Variants in ADGRL3 observed in about 807,000 individuals in gnomAD.
The protein encoded by ADGRL3 is adhesion G protein-coupled receptor L3.
Under a neutral mutation model 153.5 loss-of-function variants are expected in ADGRL3, and 62 were observed. That is an observed-to-expected ratio of 0.40 (90% confidence interval 0.33 to 0.50). The LOEUF (loss-of-function observed/expected upper bound fraction) is 0.50. ADGRL3 is among the 20% of genes least tolerant of loss of function. ADGRL3 has a pLI of 0.47. For synonymous variants in ADGRL3, 710 were observed against 672.5 expected (o/e 1.06, Z -0.86); for missense variants, 1,641 against 1,859.4 (o/e 0.88, Z 2.16).
intron 9 of ADGRL3, among the ~76,000 whole-genome samples, chr4:61,854,286 A>G (rs2098239471): frequency 6.6e-6 from 1 of 152,198 alleles, no homozygotes; most frequent in Non-Finnish European, 1.5e-5. Flanking sequence ...GGATTCTCTA[A>G]TAAAAACACC....
At position 61,430,647 on chromosome 4, in the gene ADGRL3, A is replaced by G. The variant is rs546269280; in HGVS notation, c.-174+47458A>G. On this transcript the variant is annotated intron_variant, in intron 2 of 26. Coordinates refer to ENST00000683033, the MANE Select transcript of ADGRL3 (RefSeq NM_001387552.1). ...AACCCACAATCAATAAAACTGAGAAACAAATATACATAAATAAAACTTGAC... is the reference window on the plus strand; with the variant it reads ...AACCCACAATCAATAAAACTGAGAAGCAAATATACATAAATAAAACTTGAC... Among the ~76,000 whole-genome samples, 3 of 152,280 alleles carry G rather than the reference A, an allele frequency of 2.0e-5. No individual in the cohort carries two copies. The South Asian group carries it at 6.2e-4, about 32-fold the overall frequency.
chr4:61,586,099 GATA>G (rs2098945580), intron 4 of ADGRL3, among the ~76,000 whole-genome samples: 2 of 151,964 alleles, frequency 1.3e-5, no homozygotes, highest in African/African-American at 2.4e-5. Context: ...TAAAGGAATT[GATA>G]ATATTTAGTT....
chr4:61,677,763 A>T (rs2095241915), intron 6 of ADGRL3, among the ~76,000 whole-genome samples: 1 of 152,054 alleles, frequency 6.6e-6, no homozygotes, highest in South Asian at 2.1e-4. Context: ...TTGATGTTTC[A>T]TAAGAAGCAA....
At chr4:61,775,592 C>G (rs2097138925) in intron 8 of ADGRL3, 1 of 1,028,314 alleles carries the variant, frequency 9.7e-7, no homozygotes, top group Non-Finnish European at 1.5e-6. Flanking sequence ...ACCCTTTCCC[C>G]TAGTTTCTTG....
intron 9 of ADGRL3, among the ~76,000 whole-genome samples, chr4:61,833,481 GTGC>G (rs1014438834): frequency 2.6e-5 from 4 of 152,130 alleles, no homozygotes; most frequent in African/African-American, 9.7e-5. Flanking sequence ...GGAGCCAGGA[GTGC>G]TGATTGGTCA....
At chr4:61,451,116 C>T (rs764086230) in intron 2 of ADGRL3, among the ~76,000 whole-genome samples, 1 of 151,948 alleles carries the variant, frequency 6.6e-6, no homozygotes, top group African/African-American at 2.4e-5. Flanking sequence ...ATAGTTAGAG[C>T]ATTAAAATAA....
intron 17 of ADGRL3, among the ~76,000 whole-genome samples, chr4:61,955,778 C>T (rs2150399172): frequency 6.6e-6 from 1 of 152,222 alleles, no homozygotes; most frequent in South Asian, 2.1e-4. Context: ...TGAGTGAGAA[C>T]ATGCAGTGTT....
chr4:61,835,337 G>GAAAAAAAA (rs34440166), intron 9 of ADGRL3, among the ~76,000 whole-genome samples: 64 of 33,014 alleles, frequency 1.9e-3, no homozygotes, highest in Non-Finnish European at 2.0e-3. Context: ...TGGCAAGACT[G>GAAAAAAAA]AAAAAAAAAA....
intron 24 of ADGRL3, among the ~76,000 whole-genome samples, chr4:62,039,743 T>G (rs1380849790): frequency 6.6e-6 from 1 of 152,116 alleles, no homozygotes; most frequent in Non-Finnish European, 1.5e-5. Flanking sequence ...TTCAGACTCA[T>G]AATCCCTTGC....
intron 6 of ADGRL3, among the ~76,000 whole-genome samples, chr4:61,715,775 T>A (rs1485984335): frequency 6.6e-6 from 1 of 152,010 alleles, no homozygotes; most frequent in Non-Finnish European, 1.5e-5. Context: ...AGTTGTCACA[T>A]AGAACTTGGA....
At position 61,587,532 on chromosome 4, in the gene ADGRL3, G is replaced by A. The variant is rs976226739; in HGVS notation, c.473+92G>A. The A allele has an allele frequency of 9.3e-6, 9 of 966,696 alleles. No homozygotes were observed. In the African/African-American group the frequency reaches 1.5e-4, roughly 16 times the overall value. The allele number at this position is 966,696 out of a possible 1,614,324, so 59.9% of individuals were successfully genotyped here. On this transcript the variant is annotated intron_variant, in intron 5 of 26. Coordinates refer to ENST00000683033, the MANE Select transcript of ADGRL3 (RefSeq NM_001387552.1). ...TGTTAAGCATAAGAACATAAACAGT[G>A]TTATGTATTTTAGGACACTTCAAAA...
At chr4:61,809,917 G>A (rs2097590787) in intron 8 of ADGRL3, among the ~76,000 whole-genome samples, 1 of 152,046 alleles carries the variant, frequency 6.6e-6, no homozygotes, top group African/African-American at 2.4e-5. Context: ...CCCTTATGAG[G>A]TCAGTGTTGT....
chr4:61,266,751 T>A (rs2092870842), intron 1 of ADGRL3, among the ~76,000 whole-genome samples: 1 of 151,796 alleles, frequency 6.6e-6, no homozygotes, highest in Non-Finnish European at 1.5e-5. Context: ...CAAATATATT[T>A]TATGCTTAAT....
At chr4:61,608,220 A>G (rs1183059543) in intron 5 of ADGRL3, among the ~76,000 whole-genome samples, 3 of 152,060 alleles carry the variant, frequency 2.0e-5, no homozygotes, top group Non-Finnish European at 2.9e-5. Flanking sequence ...GACTTTTCAT[A>G]CTCCCAATCT....
At chr4:61,981,816 A>C (rs1407660844) in intron 18 of ADGRL3, among the ~76,000 whole-genome samples, 2 of 152,184 alleles carry the variant, frequency 1.3e-5, no homozygotes, top group African/African-American at 4.8e-5. Flanking sequence ...ATATGTATGG[A>C]GTGCTTTACA....
intron 4 of ADGRL3, among the ~76,000 whole-genome samples, chr4:61,542,252 C>A (rs1478737619): frequency 6.6e-6 from 1 of 152,078 alleles, no homozygotes; most frequent in Non-Finnish European, 1.5e-5. Flanking sequence ...GGGCTGAGAC[C>A]AATTTAGTGA....
At chr4:61,949,096 T>A (rs1400052231) in intron 17 of ADGRL3, among the ~76,000 whole-genome samples, 1 of 151,702 alleles carries the variant, frequency 6.6e-6, no homozygotes, top group Non-Finnish European at 1.5e-5. Flanking sequence ...ATACTAATAC[T>A]CAACCTGTAG....
intron 21 of ADGRL3, among the ~76,000 whole-genome samples, chr4:62,006,086 C>G (rs1247209789): frequency 7.5e-6 from 1 of 133,922 alleles, no homozygotes; most frequent in Non-Finnish European, 1.5e-5. Flanking sequence ...GCTGGAGTGA[C>G]TGCAGTGACA....
chr4:61,434,754 C>A (rs1003670854), intron 2 of ADGRL3, among the ~76,000 whole-genome samples: 1 of 151,988 alleles, frequency 6.6e-6, no homozygotes, highest in Non-Finnish European at 1.5e-5. Flanking sequence ...CAAGTTTCTT[C>A]AAATATGCTA....
Sources: allele counts gnomAD v4.1 joint callset (sites outside exome capture counted in the v4.1 genomes callset), GRCh38; gene constraint gnomAD v4.1.1; transcripts MANE v1.5; gene names NCBI Gene and HGNC (gene_info 2026-07-23, HGNC 2026-07-21).